The following PRKAR1A variants were observed in gnomAD, a reference collection of about 807,000 sequenced individuals.
The protein encoded by PRKAR1A is protein kinase cAMP-dependent type I regulatory subunit alpha, also known as cAMP-dependent protein kinase type I-alpha regulatory subunit.
In PRKAR1A, 3 loss-of-function variants were observed where a neutral mutation model predicts 52.0. The ratio of observed to expected loss-of-function variants is 0.06; its 90% CI spans 0.03 to 0.15. PRKAR1A has a LOEUF of 0.15. Among genes scored for constraint, PRKAR1A ranks in the 10% least tolerant of loss-of-function variants. The probability of loss-of-function intolerance (pLI) is 1.00; values close to 1 mark genes in which losing one functional copy is unlikely to be tolerated. For missense variants in PRKAR1A, 240 were observed against 477.4 expected, an observed-to-expected ratio of 0.50 and a Z score of 4.63; for synonymous variants, 188 against 168.4, an observed-to-expected ratio of 1.12 and a Z score of -0.90.
At chr17:68,478,520 T>A in the PRKAR1A span, among the ~76,000 whole-genome samples, 1 of 152,138 alleles carries the variant, frequency 6.6e-6, no homozygotes, top group African/African-American at 2.4e-5. Context: ...TCGAAGGCAA[T>A]ATCAGATTGC....
the PRKAR1A span, among the ~76,000 whole-genome samples, chr17:68,470,162 A>C: frequency 6.6e-6 from 1 of 150,930 alleles, no homozygotes; most frequent in Non-Finnish European, 1.5e-5. Context: ...GGCTCACTGC[A>C]ACCTCCATCT....
At chr17:68,550,036 C>T (rs1363028071) in intron 11 of PRKAR1A, among the ~76,000 whole-genome samples, 1 of 152,122 alleles carries the variant, frequency 6.6e-6, no homozygotes, top group Non-Finnish European at 1.5e-5. Context: ...TGACTTTGCG[C>T]TGGTTTTACT....
In PRKAR1A at chr17:68,532,754, T is replaced by C. The variant is rs2086011713; in HGVS notation, c.*2305T>C. 9.4e-7 allele frequency: 1 copy of C among 1,066,256 alleles called. No homozygotes were observed. Among genetic ancestry groups the C allele is most frequent in the East Asian group, 5.0e-5 (1 of 20,112 alleles). The allele number at this position is 1,066,256 out of a possible 1,614,324, so 66.0% of individuals were successfully genotyped here. A position where few individuals can be genotyped will look rare whatever the true frequency, so the allele number is the denominator to read the frequency against. ...GGTCAAGTAATAAAAAGAGATGAAA[T>C]AATTTAAATTCTTAAATGAATCAGT... On this transcript the variant is annotated 3_prime_UTR_variant, in exon 11 of 11. Transcript: ENST00000589228.
the PRKAR1A span, among the ~76,000 whole-genome samples, chr17:68,454,002 T>C: frequency 6.6e-6 from 1 of 152,142 alleles, no homozygotes; most frequent in East Asian, 1.9e-4. Flanking sequence ...TACAAAGCAA[T>C]CATCACAACC....
the PRKAR1A span, among the ~76,000 whole-genome samples, chr17:68,450,407 C>T: frequency 6.6e-6 from 1 of 152,186 alleles, no homozygotes. Flanking sequence ...GGTGCTCTTG[C>T]GGTGGCTCAT....
the PRKAR1A span, among the ~76,000 whole-genome samples, chr17:68,418,024 C>A: frequency 6.6e-6 from 1 of 152,006 alleles, no homozygotes; most frequent in Admixed American, 6.5e-5. Context: ...GCCACCACAC[C>A]CGGCTGAGTT....
intron 11 of PRKAR1A, chr17:68,540,058 A>T: frequency 9.2e-7 from 1 of 1,084,412 alleles, no homozygotes; most frequent in Non-Finnish European, 1.4e-6. Flanking sequence ...GAGGCCTGTC[A>T]TCACTTGAGA....
chr17:68,459,166 A>T, the PRKAR1A span, among the ~76,000 whole-genome samples: 3 of 152,198 alleles, frequency 2.0e-5, no homozygotes, highest in Admixed American at 2.0e-4. Flanking sequence ...TGTTGTATAA[A>T]CTATCAGAAG....
the PRKAR1A span, among the ~76,000 whole-genome samples, chr17:68,417,786 T>A: frequency 1.5e-5 from 2 of 135,104 alleles, no homozygotes; most frequent in Admixed American, 1.6e-4. Context: ...CTCACATTGT[T>A]GCCTGGGCTG....
the PRKAR1A span, among the ~76,000 whole-genome samples, chr17:68,456,172 T>C: frequency 6.6e-6 from 1 of 152,216 alleles, no homozygotes; most frequent in African/African-American, 2.4e-5. Context: ...AACTTGAAAG[T>C]CACTCAAATA....
the PRKAR1A span, among the ~76,000 whole-genome samples, chr17:68,426,959 G>A: frequency 2.1e-3 from 320 of 152,138 alleles, 1 homozygote; most frequent in Admixed American, 7.6e-3. Flanking sequence ...TCACCTGTGA[G>A]AAAATAAAAA....
chr17:68,450,654 T>C, the PRKAR1A span: 1 of 1,513,460 alleles, frequency 6.6e-7, no homozygotes. Flanking sequence ...GACATTGATC[T>C]TGAAAGATGT....
At chr17:68,484,313 T>C in the PRKAR1A span, among the ~76,000 whole-genome samples, 6 of 152,264 alleles carry the variant, frequency 3.9e-5, no homozygotes, top group Non-Finnish European at 7.3e-5. Context: ...GTCAGATTTA[T>C]CTTTAAATGT....
chr17:68,548,723 ATATTTTTTTTT>A (rs2086684951), intron 11 of PRKAR1A, among the ~76,000 whole-genome samples: 1 of 117,944 alleles, frequency 8.5e-6, no homozygotes, highest in Admixed American at 8.8e-5. Context: ...CTATGCCTGT[ATATTTTTTTTT>A]TTTTTTTTTT....
chr17:68,453,134 AAAT>A, the PRKAR1A span: 1 of 599,974 alleles, frequency 1.7e-6, no homozygotes, highest in African/African-American at 1.9e-5. Flanking sequence ...GTAACTTCCT[AAAT>A]GGTGACGCAT....
At chr17:68,449,608 G>A in the PRKAR1A span, among the ~76,000 whole-genome samples, 2 of 152,090 alleles carry the variant, frequency 1.3e-5, no homozygotes, top group Admixed American at 6.6e-5. Flanking sequence ...TTTAATAGTG[G>A]GTAGTACCCC....
At chr17:68,421,785 C>T in the PRKAR1A span, 117 of 1,614,170 alleles carry the variant, frequency 7.2e-5, 1 homozygote, top group African/African-American at 1.3e-3. Flanking sequence ...ATGACTGCTT[C>T]GTTTTGCCCT....
the PRKAR1A span, among the ~76,000 whole-genome samples, chr17:68,486,197 T>G: frequency 1.5e-5 from 2 of 129,882 alleles, no homozygotes; most frequent in African/African-American, 5.9e-5. Context: ...GAAGAGCTCA[T>G]GAGGTTTTTT....
the PRKAR1A span, among the ~76,000 whole-genome samples, chr17:68,506,319 A>G: frequency 6.6e-6 from 1 of 152,038 alleles, no homozygotes; most frequent in East Asian, 1.9e-4. Context: ...GGCAGGACTA[A>G]CTGGGTACCA....
Sources: gnomAD v4.1 joint callset for allele counts (sites outside exome capture counted in the v4.1 genomes callset) on GRCh38, gnomAD v4.1.1 for gene constraint, MANE v1.5 for transcripts, NCBI Gene and HGNC (gene_info 2026-07-23, HGNC 2026-07-21) for gene names.